Variants in ANKRD17 observed in about 807,000 individuals in gnomAD.
The protein encoded by ANKRD17 is ankyrin repeat domain 17, also known as ankyrin repeat domain-containing protein 17.
ANKRD17 carries 19 observed loss-of-function variants against 229.7 expected under a neutral mutation model. That is an observed-to-expected ratio of 0.08 (90% CI 0.06 to 0.12). ANKRD17 has a LOEUF of 0.12. Among genes scored for constraint, ANKRD17 ranks in the 10% least tolerant of loss-of-function variants. The pLI is 1.00. For missense variants in ANKRD17, 2,176 were observed against 3,176.8 expected (o/e 0.68, Z 7.57); for synonymous variants, 1,112 against 1,146.1 (o/e 0.97, Z 0.60).
intron 29 of ANKRD17, among the ~76,000 whole-genome samples, chr4:73,090,210 G>C (rs1391679923): frequency 2.0e-5 from 3 of 152,146 alleles, no homozygotes; most frequent in Non-Finnish European, 2.9e-5. Context: ...GAGAGTTCGA[G>C]ACCAGCTTGG....
At chr4:73,107,000 C>A (rs1465391646) in intron 24 of ANKRD17, among the ~76,000 whole-genome samples, 1 of 150,948 alleles carries the variant, frequency 6.6e-6, no homozygotes, top group Non-Finnish European at 1.5e-5. Flanking sequence ...TTTTAAGAAG[C>A]CAAATGCAAA....
intron 15 of ANKRD17, among the ~76,000 whole-genome samples, chr4:73,136,916 A>C (rs1046055759): frequency 6.6e-6 from 1 of 151,900 alleles, no homozygotes; most frequent in African/African-American, 2.4e-5. Context: ...TTGTTAAATG[A>C]CTAAATTATA....
In ANKRD17 at chr4:73,238,633, G is replaced by C. The variant is rs184116409; in HGVS notation, c.393+19643C>G. On this transcript the variant is annotated intron_variant, in intron 1 of 33. Transcript: ENST00000358602. Reference sequence around the variant, plus strand: ...TCATTTCTCTCTGGTTATCCTACTTGGGGATAGGTCACTATACATAAATTT... The same window carrying C: ...TCATTTCTCTCTGGTTATCCTACTTCGGGATAGGTCACTATACATAAATTT... 4.2e-3 allele frequency among the ~76,000 whole-genome samples: 634 copies of C among 152,068 alleles called. 4 individuals are homozygous for C. The highest frequency in any genetic ancestry group is 0.015 in the African/African-American group (611 of 41,444).
rs1269556682 is a variant in ANKRD17 at position 73,187,552 on chromosome 4, T to C, written c.394-10019A>G. 2.0e-5 allele frequency among the ~76,000 whole-genome samples: 3 copies of C among 152,186 alleles called. No homozygotes were observed. The South Asian group carries it at 6.2e-4, about 31-fold the overall frequency. On this transcript the variant is annotated intron_variant, in intron 1 of 33. Transcript: ENST00000358602. The stretch of plus-strand genomic sequence containing the variant: ...CTTTACTTCATCTCCTCCATTTACA[T>C]AGGACATACTGAAGTAACCAATGGA...
At chr4:73,237,028 GA>G (rs779678485) in intron 1 of ANKRD17, among the ~76,000 whole-genome samples, 37 of 152,214 alleles carry the variant, frequency 2.4e-4, no homozygotes, top group Non-Finnish European at 5.0e-4. Context: ...GTCAAGCACA[GA>G]AACTGTGAAG....
At chr4:73,151,047 G>C (rs1011760351) in intron 7 of ANKRD17, among the ~76,000 whole-genome samples, 10 of 151,974 alleles carry the variant, frequency 6.6e-5, no homozygotes, top group Non-Finnish European at 8.8e-5. Flanking sequence ...TTTAAATAGA[G>C]AGGGGGTCTT....
chr4:73,094,273 T>C (rs780705997), intron 27 of ANKRD17, 45 bp from the exon 28 acceptor site: 24 of 1,522,460 alleles, frequency 1.6e-5, no homozygotes, highest in Admixed American at 5.2e-5. Context: ...TCATTAACAA[T>C]AGTTATTGTA....
At chr4:73,127,718 A>G (rs1340164650) in intron 16 of ANKRD17, among the ~76,000 whole-genome samples, 2 of 152,198 alleles carry the variant, frequency 1.3e-5, no homozygotes, top group Non-Finnish European at 2.9e-5. Flanking sequence ...AGATTCAAAA[A>G]CTGTTACTAA....
chr4:73,100,204 C>T (rs1201646681), intron 25 of ANKRD17, among the ~76,000 whole-genome samples: 5 of 152,208 alleles, frequency 3.3e-5, no homozygotes, highest in African/African-American at 4.8e-5. Context: ...GTTCTGGCCA[C>T]GATCCCCTCC....
At chr4:73,247,152 A>T (rs1002541495) in intron 1 of ANKRD17, among the ~76,000 whole-genome samples, 1 of 152,106 alleles carries the variant, frequency 6.6e-6, no homozygotes, top group Non-Finnish European at 1.5e-5. Flanking sequence ...TTTTCAAGAC[A>T]TCCAAATGAA....
At chr4:73,079,958 T>C (rs1003928774) in intron 30 of ANKRD17, among the ~76,000 whole-genome samples, 6 of 151,854 alleles carry the variant, frequency 4.0e-5, no homozygotes, top group East Asian at 3.9e-4. Context: ...ATACAAAAAT[T>C]AGCCGGGCGT....
At chr4:73,080,048 G>A (rs1339075276) in intron 30 of ANKRD17, among the ~76,000 whole-genome samples, 1 of 152,144 alleles carries the variant, frequency 6.6e-6, no homozygotes, top group Admixed American at 6.5e-5. Flanking sequence ...GGAGGATGCA[G>A]TGAGCCGAGA....
chr4:73,099,442 C>T (rs1476773664), intron 25 of ANKRD17, among the ~76,000 whole-genome samples: 1 of 152,206 alleles, frequency 6.6e-6, no homozygotes, highest in African/African-American at 2.4e-5. Context: ...TCCCACTTAG[C>T]CACACCCTGC....
intron 2 of ANKRD17, among the ~76,000 whole-genome samples, chr4:73,170,743 C>T (rs1733880619): frequency 6.6e-6 from 1 of 152,148 alleles, no homozygotes; most frequent in Non-Finnish European, 1.5e-5. Context: ...TGGCAGTACT[C>T]CCTGTGGGCC....
intron 1 of ANKRD17, among the ~76,000 whole-genome samples, chr4:73,189,127 C>G (rs1036864267): frequency 1.3e-5 from 2 of 152,062 alleles, no homozygotes; most frequent in Non-Finnish European, 2.9e-5. Context: ...TAGAGCACTA[C>G]TTTTTTATTT....
chr4:73,098,780 T>C (rs891783502), intron 25 of ANKRD17: 10 of 1,289,696 alleles, frequency 7.8e-6, no homozygotes, highest in African/African-American at 4.4e-5. Flanking sequence ...AGGAAGGCCA[T>C]TCCAGCCATC....
chr4:73,117,703 C>T (rs1336138546), intron 22 of ANKRD17, among the ~76,000 whole-genome samples: 1 of 152,132 alleles, frequency 6.6e-6, no homozygotes, highest in East Asian at 1.9e-4. Flanking sequence ...TTGGCATCTA[C>T]AGGGAATTTT....
intron 1 of ANKRD17, among the ~76,000 whole-genome samples, chr4:73,194,374 C>T (rs573052347): frequency 1.3e-5 from 2 of 152,158 alleles, no homozygotes; most frequent in Non-Finnish European, 2.9e-5. Flanking sequence ...TATTGAATTG[C>T]CTTGGCATCT....
rs1281476935 is a variant in ANKRD17, at chr4:73,091,354, G to A, written c.6274C>T (p.Pro2092Ser). The A allele has an allele frequency of 1.9e-6, 3 of 1,614,112 alleles. No homozygotes were observed. Among genetic ancestry groups the A allele is most frequent in the South Asian group, 2.2e-5 (2 of 91,088 alleles). ...PPVVETTNTR[P>S]PNSSSSSGSS... Reference sequence around the variant, plus strand: ...CCAGAAGAACTGCTGCTGTTTGGAGGTCTAGTGTTTGTTGTTTCTACTACT... The same window carrying A: ...CCAGAAGAACTGCTGCTGTTTGGAGATCTAGTGTTTGTTGTTTCTACTACT... The change falls in exon 29 of 34, where the codon CCT (proline) becomes TCT (serine). Residue 2092 changes from proline (P) to serine (S), a missense_variant. By Grantham distance (74) the Pro-to-Ser change is moderately conservative. Coordinates refer to ENST00000358602, the MANE Select transcript of ANKRD17 (RefSeq NM_032217.5).
Sources: allele counts gnomAD v4.1 joint callset (sites outside exome capture counted in the v4.1 genomes callset), GRCh38; gene constraint gnomAD v4.1.1; transcripts MANE v1.5; gene names NCBI Gene and HGNC (gene_info 2026-07-23, HGNC 2026-07-21).